Variants in WASHC2A observed in about 807,000 individuals in gnomAD.
The protein encoded by WASHC2A is WASH complex subunit FAM21A.
Under a neutral mutation model 140.3 loss-of-function variants are expected in WASHC2A, and 82 were observed. That is an observed-to-expected ratio of 0.58 (90% CI 0.49 to 0.70). The LOEUF is 0.70. Among genes scored for constraint, WASHC2A ranks in the 30% least tolerant of loss-of-function variants. WASHC2A has a pLI of 0.00. For missense variants in WASHC2A, 985 were observed against 1,521.8 expected, an observed-to-expected ratio of 0.65 and a Z score of 5.87; for synonymous variants, 340 against 560.8, an observed-to-expected ratio of 0.61 and a Z score of 5.56.
At chr10:50,080,128 G>A (rs1838764146) in intron 4 of WASHC2A, among the ~76,000 whole-genome samples, 1 of 152,194 alleles carries the variant, frequency 6.6e-6, no homozygotes, top group Admixed American at 6.5e-5. Context: ...GAGAACTGCT[G>A]TTGCAGGAAG....
Position 50,129,856 on chromosome 10 carries a change from A to G in WASHC2A, c.3525A>G (p.Leu1175=), listed in dbSNP as rs1843782126. The part of the protein sequence containing the change: ...GKAKSPMFPA[L]GEASSDDDLF... ...CAAAGAGCCCCATGTTTCCTGCTCT[A>G]GGTGAGGCCAGCAGTGATGATGATC... Residue 1175 remains leucine, a synonymous_variant, in exon 29 of 31, where the codon CTA becomes CTG. Coordinates refer to ENST00000282633, the MANE Select transcript of WASHC2A (RefSeq NM_001005751.3). 1 of 1,611,946 alleles carries G rather than the reference A, an allele frequency of 6.2e-7. No homozygotes were observed. The highest frequency in any genetic ancestry group is 1.3e-5 in the African/African-American group (1 of 74,866).
rs1554887730 is a variant in WASHC2A at position 50,104,080 on chromosome 10, T to TGC, written c.1676_1677dup (p.Ser560ArgfsTer77). The stretch of plus-strand genomic sequence containing the variant: ...CTCAAAGTGCGAGTAAGTTAAAAGG[T>TGC]GCGTCTCTGCTGCCTGGCAAGCTCC... On this transcript the variant is annotated frameshift_variant, in exon 18 of 31. Coordinates refer to ENST00000282633, the MANE Select transcript of WASHC2A (RefSeq NM_001005751.3). LOFTEE classifies it high-confidence loss of function. 6.8e-7 allele frequency: 1 copy of TGC among 1,474,664 alleles called. No individual in the cohort carries two copies. Among genetic ancestry groups the TGC allele is most frequent in the Non-Finnish European group, 9.4e-7 (1 of 1,067,306 alleles). The allele number at this position is 1,474,664 out of a possible 1,614,324, so 91.3% of individuals were successfully genotyped here. A position where few individuals can be genotyped will look rare whatever the true frequency, so the allele number is the denominator to read the frequency against.
intron 4 of WASHC2A, among the ~76,000 whole-genome samples, chr10:50,079,973 C>T (rs1373776382): frequency 5.6e-5 from 7 of 123,976 alleles, no homozygotes; most frequent in African/African-American, 9.8e-5. Context: ...CTAAAATGCT[C>T]GTAGGGTTTT....
chr10:50,095,260 A>C, intron 14 of WASHC2A, 53 bp downstream of exon 14: 10 of 1,406,312 alleles, frequency 7.1e-6, no homozygotes. Context: ...TGTTTTTTGC[A>C]TTTCAAAATT....
At position 50,109,126 on chromosome 10, in the gene WASHC2A, C is replaced by G. The variant is rs879997436; in HGVS notation, c.1870-975C>G. On this transcript the variant is annotated intron_variant, in intron 19 of 30. Coordinates refer to ENST00000282633, the MANE Select transcript of WASHC2A (RefSeq NM_001005751.3). ...TGCAGGTTCTGATTCAGAAAATAGG[C>G]GCGGGGCCTGAAATTCTGCATAATC... 1.6e-3 allele frequency among the ~76,000 whole-genome samples: 237 copies of G among 151,976 alleles called. 4 individuals carry two copies. In the East Asian group the frequency reaches 0.036, roughly 23 times the overall value.
chr10:50,084,582 C>T (rs1839220814), intron 6 of WASHC2A, among the ~76,000 whole-genome samples: 1 of 151,142 alleles, frequency 6.6e-6, no homozygotes, highest in South Asian at 2.1e-4. Flanking sequence ...AGGCGTGCAC[C>T]ACCACACCTG....
At position 50,092,329 on chromosome 10, in the gene WASHC2A, C is replaced by T. The variant is rs1372435965; in HGVS notation, c.1003+96C>T. 2.3e-6 allele frequency: 3 copies of T among 1,304,518 alleles called. No individual in the cohort carries two copies. The East Asian group carries it at 7.5e-5, about 33-fold the overall frequency. The allele number at this position is 1,304,518 out of a possible 1,614,324, so 80.8% of individuals were successfully genotyped here. A position where few individuals can be genotyped will look rare whatever the true frequency, so the allele number is the denominator to read the frequency against. On this transcript the variant is annotated intron_variant, in intron 11 of 30. Transcript: ENST00000282633. ...GAAGTACTGCTTTACATGCTGTTTT[C>T]CCTCTGACAAATGGGTCTGTCTCCA...
chr10:50,125,095 C>T lies in WASHC2A; in HGVS notation c.2479-18C>T. On this transcript the variant is annotated intron_variant, in intron 23 of 30. Coordinates refer to ENST00000282633, the MANE Select transcript of WASHC2A (RefSeq NM_001005751.3). ...TCTTACAGCTCTAATCACACATGAC[C>T]TTCCCTCCTGTTCCCAGGGCCGCGA... The T allele has an allele frequency of 1.9e-6, 3 of 1,611,754 alleles. No individual in the cohort carries two copies. The highest frequency in any genetic ancestry group is 2.5e-6 in the Non-Finnish European group (3 of 1,179,842).
rs1564738171 is a variant in WASHC2A at position 50,068,920 on chromosome 10, G to T, written c.127-627G>T. Among the ~76,000 whole-genome samples, 4 of 144,342 alleles carry T rather than the reference G, an allele frequency of 2.8e-5. 1 individual carries two copies. The highest frequency in any genetic ancestry group is 1.0e-4 in the African/African-American group (4 of 38,264). 94.7% of individuals were successfully genotyped at this position (144,342 alleles called of 152,430 possible). ...TTAGTAGAGATGGGGGTCTTGCTAT[G>T]TTGCCCAGACTGGTCTGCAACTCCT... On this transcript the variant is annotated intron_variant, in intron 2 of 30. Transcript: ENST00000282633.
intron 21 of WASHC2A, among the ~76,000 whole-genome samples, chr10:50,116,609 G>A (rs1267022494): frequency 5.3e-5 from 8 of 150,348 alleles, no homozygotes; most frequent in South Asian, 2.1e-4. Flanking sequence ...CACCGTGCCC[G>A]GCCTGCACTG....
intron 3 of WASHC2A, among the ~76,000 whole-genome samples, chr10:50,077,548 A>G (rs1461560631): frequency 6.6e-6 from 1 of 152,090 alleles, no homozygotes; most frequent in African/African-American, 2.4e-5. Flanking sequence ...TTTAAAAAGT[A>G]TACAATTTGG....
chr10:50,131,035 C>A lies in WASHC2A; in HGVS notation c.3843C>A (p.Ser1281=). The A allele has an allele frequency of 1.9e-6, 3 of 1,610,962 alleles. No individual in the cohort carries two copies. The South Asian group carries it at 3.3e-5, about 18-fold the overall frequency. The change falls in exon 30 of 31, where the codon TCC becomes TCA. Residue 1281 remains serine (S), a synonymous_variant. Coordinates refer to ENST00000282633, the MANE Select transcript of WASHC2A (RefSeq NM_001005751.3). ...TAACTGTAAAACCAAAAGAAAAGTC[C>A]AAAAAGAAAGTGGAAGCCAAGTCTA... ...ADLTVKPKEK[S]KKKVEAKSIF...
chr10:50,086,606 C>A (rs1293927670), intron 7 of WASHC2A, among the ~76,000 whole-genome samples: 1 of 124,706 alleles, frequency 8.0e-6, no homozygotes, highest in African/African-American at 3.0e-5. Context: ...TCCCCCCACC[C>A]CACCACAGTC....
At chr10:50,076,728 A>G (rs1229001611) in intron 3 of WASHC2A, among the ~76,000 whole-genome samples, 1 of 152,116 alleles carries the variant, frequency 6.6e-6, no homozygotes, top group Non-Finnish European at 1.5e-5. Flanking sequence ...CTGTAATCCC[A>G]GCACTTTGGG....
chr10:50,091,392 G>A (rs1483415601), intron 9 of WASHC2A, 39 bp from the exon 10 acceptor site: 206 of 1,547,894 alleles, frequency 1.3e-4, no homozygotes, highest in Middle Eastern at 2.3e-4. Flanking sequence ...GTACTAGTTT[G>A]TTACAAAAAA....
intron 17 of WASHC2A, among the ~76,000 whole-genome samples, chr10:50,102,590 A>AC (rs1168369966): frequency 3.3e-5 from 5 of 151,346 alleles, no homozygotes; most frequent in Admixed American, 3.3e-4. Flanking sequence ...CAGGGGAAAA[A>AC]CACTGTGTGG....
At chr10:50,124,169 A>T (rs1843221292) in intron 23 of WASHC2A, among the ~76,000 whole-genome samples, 1 of 151,998 alleles carries the variant, frequency 6.6e-6, no homozygotes, top group Non-Finnish European at 1.5e-5. Flanking sequence ...CAGTGGCGTG[A>T]TCTCGGCCCA....
At chr10:50,084,205 CTT>C in intron 6 of WASHC2A, 40 bp downstream of exon 6, 1 of 1,606,298 alleles carries the variant, frequency 6.2e-7, no homozygotes, top group Non-Finnish European at 8.5e-7. Flanking sequence ...CTTAACATTT[CTT>C]TTTTATTTTA....
chr10:50,127,866 A>G, intron 28 of WASHC2A, 71 bp downstream of exon 28: 2 of 854,426 alleles, frequency 2.3e-6, no homozygotes, highest in African/African-American at 3.4e-5. Context: ...TTTCTAGTTT[A>G]TCAGTTGCAT....
Sources: gnomAD v4.1 joint callset for allele counts (sites outside exome capture counted in the v4.1 genomes callset) on GRCh38, gnomAD v4.1.1 for gene constraint, MANE v1.5 for transcripts, NCBI Gene and HGNC (gene_info 2026-07-23, HGNC 2026-07-21) for gene names.